Variants in FHIT observed in about 807,000 individuals in gnomAD.
FHIT encodes fragile histidine triad diadenosine triphosphatase.
A neutral mutation model predicts 17.9 loss-of-function variants in FHIT; 19 were observed. The ratio of observed to expected loss-of-function variants is 1.06; its 90% CI spans 0.74 to 1.56. The LOEUF (loss-of-function observed/expected upper bound fraction) is 1.56. Ranked by LOEUF, FHIT falls within the 40% of genes most tolerant of loss-of-function variation. The pLI is 0.00. For synonymous variants in FHIT, 81 were observed against 69.7 expected (o/e 1.16, Z -0.81); for missense variants, 248 against 189.2 (o/e 1.31, Z -1.82).
At chr3:60,648,146 G>A (rs2107802258) in intron 4 of FHIT, among the ~76,000 whole-genome samples, 1 of 152,294 alleles carries the variant, frequency 6.6e-6, no homozygotes, top group Non-Finnish European at 1.5e-5. Flanking sequence ...GGAGTGGGTA[G>A]AGGGAACCAC....
chr3:61,036,901 G>GTTTTTTTTTTGTTTTT (rs2033269178), intron 3 of FHIT, among the ~76,000 whole-genome samples: 1 of 70,310 alleles, frequency 1.4e-5, no homozygotes, highest in African/African-American at 3.2e-5. Context: ...AGTCTGCTTT[G>GTTTTTTTTTTGTTTTT]TTTTTTTTTT....
chr3:60,247,258 G>A lies in FHIT; in HGVS notation c.104-233106C>T, dbSNP rs192946602. Among the ~76,000 whole-genome samples the A allele has an allele frequency of 7.9e-5, 12 of 152,132 alleles. No individual in the cohort carries two copies. In the East Asian group the frequency reaches 2.1e-3, roughly 27 times the overall value. On this transcript the variant is annotated intron_variant, in intron 5 of 9. Transcript: ENST00000492590. ...AGTGCTCAGAGCTGGGTATGGTGGT[G>A]TGCACCTGTAATCCTAGCTACTTGG...
chr3:60,431,082 C>T (rs922572131), intron 5 of FHIT, among the ~76,000 whole-genome samples: 2 of 151,860 alleles, frequency 1.3e-5, no homozygotes, highest in African/African-American at 2.4e-5. Flanking sequence ...CATTGTGGTG[C>T]GCACCTATGG....
chr3:60,282,192 C>T (rs1707492732), intron 5 of FHIT, among the ~76,000 whole-genome samples: 2 of 152,154 alleles, frequency 1.3e-5, no homozygotes, highest in Non-Finnish European at 2.9e-5. Flanking sequence ...CTAATGTTCA[C>T]ACAAAAGTCT....
At chr3:59,830,102 C>A (rs79125043) in intron 8 of FHIT, among the ~76,000 whole-genome samples, 7 of 151,940 alleles carry the variant, frequency 4.6e-5, no homozygotes, top group Admixed American at 2.6e-4. Flanking sequence ...CAACCCCCCC[C>A]TCAAAAGTTT....
intron 5 of FHIT, among the ~76,000 whole-genome samples, chr3:60,086,128 G>A (rs1193319270): frequency 6.6e-6 from 1 of 152,164 alleles, no homozygotes; most frequent in East Asian, 1.9e-4. Context: ...CACATGGTGA[G>A]AGAGGAAGCA....
chr3:60,907,126 G>T (rs1369914148), intron 3 of FHIT, among the ~76,000 whole-genome samples: 1 of 151,942 alleles, frequency 6.6e-6, no homozygotes, highest in Admixed American at 6.6e-5. Flanking sequence ...CTAATTTCAA[G>T]GCAAAACAAA....
At chr3:61,080,452 G>A (rs2035099821) in intron 2 of FHIT, among the ~76,000 whole-genome samples, 2 of 151,916 alleles carry the variant, frequency 1.3e-5, no homozygotes, top group African/African-American at 2.4e-5. Context: ...ATGCAGAGAT[G>A]AAACGGAACT....
At chr3:60,509,456 C>A (rs1294919652) in intron 5 of FHIT, among the ~76,000 whole-genome samples, 1 of 152,204 alleles carries the variant, frequency 6.6e-6, no homozygotes, top group Non-Finnish European at 1.5e-5. Context: ...AATTAGGATT[C>A]ACATCTCTGT....
At chr3:61,091,283 A>C (rs2035473318) in intron 2 of FHIT, among the ~76,000 whole-genome samples, 1 of 152,212 alleles carries the variant, frequency 6.6e-6, no homozygotes, top group Admixed American at 6.5e-5. Flanking sequence ...CAATCAGTGA[A>C]GCAATTAGGA....
chr3:60,080,436 G>A (rs1703227270), intron 5 of FHIT, among the ~76,000 whole-genome samples: 2 of 152,062 alleles, frequency 1.3e-5, no homozygotes, highest in South Asian at 4.1e-4. Context: ...TAAAATATTT[G>A]CATATTAGAG....
Position 60,663,152 on chromosome 3 carries a change from A to AGT in FHIT, c.-17-126174_-17-126173insAC, listed in dbSNP as rs372865172. 5.6e-3 allele frequency among the ~76,000 whole-genome samples: 594 copies of AGT among 106,208 alleles called. 49 individuals carry two copies. The highest frequency in any genetic ancestry group is 8.0e-3 in the South Asian group (23 of 2,862). 69.7% of individuals were successfully genotyped at this position (106,208 alleles called of 152,430 possible). ...GCTATATAGCCCTAATATTGGGTGG[A>AGT]GATATATATCTCTTTAATGTTGGGT... On this transcript the variant is annotated intron_variant, in intron 4 of 9. Transcript: ENST00000492590.
At chr3:59,819,572 G>A (rs1700719235) in intron 8 of FHIT, among the ~76,000 whole-genome samples, 1 of 152,114 alleles carries the variant, frequency 6.6e-6, no homozygotes, top group African/African-American at 2.4e-5. Context: ...TCCCCTCCCT[G>A]GAGGTAGCCG....
chr3:59,836,138 A>G (rs528713741), intron 8 of FHIT, among the ~76,000 whole-genome samples: 1 of 150,518 alleles, frequency 6.6e-6, no homozygotes, highest in African/African-American at 2.4e-5. Context: ...AGAAGACTTG[A>G]TGGACTAGGA....
chr3:60,793,685 A>G (rs1700869897), intron 4 of FHIT, among the ~76,000 whole-genome samples: 1 of 152,182 alleles, frequency 6.6e-6, no homozygotes, highest in Non-Finnish European at 1.5e-5. Flanking sequence ...GAAAGGCAAG[A>G]AGCCAAGCGA....
At chr3:61,062,327 A>G (rs1170136159) in intron 2 of FHIT, among the ~76,000 whole-genome samples, 2 of 152,132 alleles carry the variant, frequency 1.3e-5, no homozygotes, top group Non-Finnish European at 2.9e-5. Context: ...AGAGTCCCTT[A>G]ACCTAATTTA....
intron 4 of FHIT, among the ~76,000 whole-genome samples, chr3:60,608,580 A>AT (rs1213413332): frequency 1.3e-5 from 2 of 150,814 alleles, no homozygotes; most frequent in Non-Finnish European, 2.9e-5. Flanking sequence ...AGCCTCCTTT[A>AT]TTTTTTTTCC....
chr3:60,563,122 A>G (rs2037011774), intron 4 of FHIT, among the ~76,000 whole-genome samples: 1 of 152,186 alleles, frequency 6.6e-6, no homozygotes, highest in Non-Finnish European at 1.5e-5. Context: ...AGAGTGGACA[A>G]TAGCCAAGCA....
chr3:60,650,731 C>T (rs1475646188), intron 4 of FHIT, among the ~76,000 whole-genome samples: 5 of 152,152 alleles, frequency 3.3e-5, no homozygotes, highest in African/African-American at 4.8e-5. Context: ...AAGAAAACTA[C>T]GCGGGTCATT....
Sources: allele counts gnomAD v4.1 joint callset (sites outside exome capture counted in the v4.1 genomes callset), GRCh38; gene constraint gnomAD v4.1.1; transcripts MANE v1.5; gene names NCBI Gene and HGNC (gene_info 2026-07-23, HGNC 2026-07-21).